The following GFOD2 variants were observed in gnomAD, a reference collection of about 807,000 sequenced individuals.
GFOD2 encodes the protein glucose-fructose oxidoreductase domain-containing protein 2.
Under a neutral mutation model 24.6 loss-of-function variants are expected in GFOD2, and 9 were observed. That is an observed-to-expected ratio of 0.37 (90% CI 0.22 to 0.64). GFOD2 has a LOEUF of 0.64. Among genes scored for constraint, GFOD2 ranks in the 30% least tolerant of loss-of-function variants. GFOD2 has a pLI of 0.65. For synonymous variants in GFOD2, 211 were observed against 224.8 expected (o/e 0.94, Z 0.55); for missense variants, 476 against 532.5 (o/e 0.89, Z 1.04).
chr16:67,690,564 C>T (rs966161593), intron 1 of GFOD2, among the ~76,000 whole-genome samples: 12 of 151,886 alleles, frequency 7.9e-5, no homozygotes, highest in African/African-American at 2.9e-4. Flanking sequence ...TCACTTTTAT[C>T]GTTCACTTTT....
chr16:67,686,514 T>C (rs1310553284), intron 1 of GFOD2, among the ~76,000 whole-genome samples: 1 of 152,116 alleles, frequency 6.6e-6, no homozygotes, highest in African/African-American at 2.4e-5. Context: ...TAAAAGTTCA[T>C]GATTCTATAT....
chr16:67,685,637 C>T lies in GFOD2; in HGVS notation c.79G>A (p.Gly27Arg), dbSNP rs1486885834. Residue 27 changes from glycine to arginine, a missense_variant, in exon 2 of 3, where the codon GGG becomes AGG. Coordinates refer to ENST00000268797, the MANE Select transcript of GFOD2 (RefSeq NM_030819.4). Reference protein sequence around the residue: ...RVLVPLLRAEGFTVEALWGKT... With the variant: ...RVLVPLLRAERFTVEALWGKT... ...CCCCACAGGGCCTCAACAGTGAACCCTTCTGCCCTCAGCAGTGGGACCAGA... is the reference window on the plus strand; with the variant it reads ...CCCCACAGGGCCTCAACAGTGAACCTTTCTGCCCTCAGCAGTGGGACCAGA... 1.9e-6 allele frequency: 3 copies of T among 1,614,178 alleles called. No homozygotes were observed. In the South Asian group the frequency reaches 3.3e-5, roughly 18 times the overall value.
intron 1 of GFOD2, among the ~76,000 whole-genome samples, chr16:67,710,032 G>A (rs1435058535): frequency 6.6e-6 from 1 of 152,060 alleles, no homozygotes; most frequent in African/African-American, 2.4e-5. Flanking sequence ...CACAACCTCT[G>A]TTTCCTGGGT....
chr16:67,713,229 A>G (rs970511326), intron 1 of GFOD2, among the ~76,000 whole-genome samples: 3 of 152,056 alleles, frequency 2.0e-5, no homozygotes, highest in Non-Finnish European at 1.5e-5. Flanking sequence ...TATGGGTTAC[A>G]TAACAGGTAT....
chr16:67,699,886 C>G (rs2053389229), intron 1 of GFOD2, among the ~76,000 whole-genome samples: 1 of 151,124 alleles, frequency 6.6e-6, no homozygotes, highest in Non-Finnish European at 1.5e-5. Flanking sequence ...TCAAGACCAG[C>G]CTGGTGAACA....
chr16:67,718,130 A>G (rs1434003100), intron 1 of GFOD2, among the ~76,000 whole-genome samples: 1 of 152,210 alleles, frequency 6.6e-6, no homozygotes, highest in Non-Finnish European at 1.5e-5. Context: ...CATCTTCTCT[A>G]TATTGCTCCA....
chr16:67,691,910 C>G (rs950754530), intron 1 of GFOD2, among the ~76,000 whole-genome samples: 1 of 152,150 alleles, frequency 6.6e-6, no homozygotes, highest in Non-Finnish European at 1.5e-5. Context: ...TCTATCCTCA[C>G]GTGCTACTGA....
At chr16:67,711,083 C>G (rs1368242705) in intron 1 of GFOD2, among the ~76,000 whole-genome samples, 1 of 152,132 alleles carries the variant, frequency 6.6e-6, no homozygotes, top group Non-Finnish European at 1.5e-5. Context: ...AATGAAGACT[C>G]CAAAAGAGGT....
chr16:67,693,537 G>T (rs987389926), intron 1 of GFOD2, among the ~76,000 whole-genome samples: 2 of 152,074 alleles, frequency 1.3e-5, no homozygotes, highest in South Asian at 2.1e-4. Flanking sequence ...CTCCCAAATT[G>T]CTGGGATTAC....
chr16:67,688,028 A>G (rs933367022), intron 1 of GFOD2, among the ~76,000 whole-genome samples: 1 of 152,188 alleles, frequency 6.6e-6, no homozygotes, highest in Non-Finnish European at 1.5e-5. Context: ...AGCATTGGCT[A>G]TCATAGTGAA....
Position 67,675,965 on chromosome 16 carries a change from G to C in GFOD2, c.348C>G (p.Leu116=). 6.2e-7 allele frequency: 1 copy of C among 1,614,212 alleles called. No individual in the cohort carries two copies. Among genetic ancestry groups the C allele is most frequent in the Non-Finnish European group, 8.5e-7 (1 of 1,180,032 alleles). Reference sequence around the variant, plus strand: ...GCAGCACGTTCCCTACCAGGCTCATGAGCTGCGGGTAGTAGCGCGAGGCTG... The same window carrying C: ...GCAGCACGTTCCCTACCAGGCTCATCAGCTGCGGGTAGTAGCGCGAGGCTG... ...MVTASRYYPQ[L]MSLVGNVLRF... The change falls in exon 3 of 3, where the codon CTC becomes CTG. Residue 116 remains leucine, a synonymous_variant. Coordinates refer to ENST00000268797, the MANE Select transcript of GFOD2 (RefSeq NM_030819.4).
chr16:67,713,785 C>A (rs1003356123), intron 1 of GFOD2, among the ~76,000 whole-genome samples: 1 of 152,094 alleles, frequency 6.6e-6, no homozygotes, highest in African/African-American at 2.4e-5. Context: ...ATCAACTTAA[C>A]CTTCAGTCCC....
In GFOD2 at chr16:67,675,647, G is replaced by A. The variant is rs148093099; in HGVS notation, c.666C>T (p.Phe222=). The A allele has an allele frequency of 1.9e-6, 3 of 1,613,164 alleles. No homozygotes were observed. The African/African-American group carries it at 4.0e-5, about 22-fold the overall frequency. The part of the protein sequence containing the change: ...RGIRHVTSDD[F]CFFQMLMGGG... ...CACCCATGAGCATCTGGAAGAAACA[G>A]AAGTCATCGCTAGTGACGTGCCGGA... The change falls in exon 3 of 3, where the codon TTC becomes TTT. Residue 222 remains phenylalanine, a synonymous_variant. Coordinates refer to ENST00000268797, the MANE Select transcript of GFOD2 (RefSeq NM_030819.4).
chr16:67,703,403 C>CAAACA (rs571968096), intron 1 of GFOD2, among the ~76,000 whole-genome samples: 168 of 151,324 alleles, frequency 1.1e-3, no homozygotes, highest in Non-Finnish European at 1.8e-3. Context: ...AACTCTGTCT[C>CAAACA]AAACAAAACA....
intron 1 of GFOD2, among the ~76,000 whole-genome samples, chr16:67,688,168 G>C (rs912537340): frequency 3.9e-5 from 6 of 151,946 alleles, no homozygotes; most frequent in Admixed American, 6.6e-5. Context: ...GTCACTGAAA[G>C]GGAAAAACAC....
chr16:67,694,946 T>G (rs1330515693), intron 1 of GFOD2, among the ~76,000 whole-genome samples: 1 of 151,320 alleles, frequency 6.6e-6, no homozygotes, highest in African/African-American at 2.4e-5. Context: ...CTGTGGCCAC[T>G]CAGTCACCTT....
At chr16:67,703,907 C>A (rs1333771436) in intron 1 of GFOD2, among the ~76,000 whole-genome samples, 1 of 152,180 alleles carries the variant, frequency 6.6e-6, no homozygotes, top group Admixed American at 6.6e-5. Flanking sequence ...AATCTGACTG[C>A]CCTAGGTACC....
Position 67,708,193 on chromosome 16 carries a change from C to T in GFOD2, c.-88+10970G>A, listed in dbSNP as rs2142997238. Among the ~76,000 whole-genome samples the T allele has an allele frequency of 1.3e-5, 2 of 152,170 alleles. 1 individual carries two copies. Among genetic ancestry groups the T allele is most frequent in the Middle Eastern group, 6.8e-3 (2 of 294 alleles). ...TTTTTAATCACCTTAAGTAGTTGTG[C>T]CCAAGGACATAGAACAACCTGTTCA... On this transcript the variant is annotated intron_variant, in intron 1 of 2. Transcript: ENST00000268797.
intron 1 of GFOD2, among the ~76,000 whole-genome samples, chr16:67,690,701 T>C (rs1363273891): frequency 1.3e-5 from 2 of 152,198 alleles, no homozygotes; most frequent in Non-Finnish European, 2.9e-5. Context: ...ATGTACACTT[T>C]CCTGAACCTT....
Sources: allele counts gnomAD v4.1 joint callset (sites outside exome capture counted in the v4.1 genomes callset), GRCh38; gene constraint gnomAD v4.1.1; transcripts MANE v1.5; gene names NCBI Gene and HGNC (gene_info 2026-07-23, HGNC 2026-07-21).